The following BBS9 variants were observed in gnomAD, a reference collection of about 807,000 sequenced individuals.
BBS9 encodes the protein Bardet-Biedl syndrome 9.
BBS9 carries 89 observed loss-of-function variants against 117.7 expected under a neutral mutation model. The observed-to-expected ratio is 0.76, with a 90% CI of 0.64 to 0.90. BBS9 has a LOEUF of 0.90. Among genes scored for constraint, BBS9 ranks in the 40% least tolerant of loss-of-function variants. The probability of loss-of-function intolerance (pLI) is 0.00; values close to 1 mark genes in which losing one functional copy is unlikely to be tolerated. For synonymous variants in BBS9, 379 were observed against 370.9 expected (o/e 1.02, Z -0.25); for missense variants, 982 against 1,042.2 (o/e 0.94, Z 0.80).
intron 19 of BBS9, among the ~76,000 whole-genome samples, chr7:33,429,872 T>C (rs1485673150): frequency 6.6e-6 from 1 of 151,830 alleles, no homozygotes; most frequent in African/African-American, 2.4e-5. Context: ...CCTATAGTTT[T>C]GTTAACTGTT....
At chr7:33,174,895 TC>T (rs1322342482) in intron 4 of BBS9, among the ~76,000 whole-genome samples, 1 of 152,246 alleles carries the variant, frequency 6.6e-6, no homozygotes, top group Non-Finnish European at 1.5e-5. Context: ...CTCCTCAGCT[TC>T]CTGGCACCTC....
intron 17 of BBS9, among the ~76,000 whole-genome samples, chr7:33,372,238 A>C (rs1054377333): frequency 5.3e-5 from 8 of 152,210 alleles, no homozygotes; most frequent in Non-Finnish European, 7.4e-5. Context: ...AGTGGAGAGA[A>C]GACCAATGGG....
chr7:33,272,890 A>C (rs1245580771), intron 7 of BBS9, 122 bp from the exon 8 acceptor site: 7 of 944,000 alleles, frequency 7.4e-6, no homozygotes, highest in Non-Finnish European at 1.2e-5. Flanking sequence ...GAAATGAAAG[A>C]GATTAGCCCA....
intron 19 of BBS9, among the ~76,000 whole-genome samples, chr7:33,449,768 G>A (rs1392545673): frequency 6.6e-6 from 1 of 152,042 alleles, no homozygotes; most frequent in African/African-American, 2.4e-5. Context: ...TTTTACCATA[G>A]GAATTAAGGA....
At chr7:33,515,409 G>A (rs547061514) in intron 20 of BBS9, among the ~76,000 whole-genome samples, 1 of 152,266 alleles carries the variant, frequency 6.6e-6, no homozygotes, top group East Asian at 1.9e-4. Flanking sequence ...ACTATAACGA[G>A]CATTGTTGAT....
intron 19 of BBS9, among the ~76,000 whole-genome samples, chr7:33,417,032 T>C (rs1189606629): frequency 6.6e-6 from 1 of 152,206 alleles, no homozygotes; most frequent in Non-Finnish European, 1.5e-5. Context: ...GTTTCTCTCC[T>C]CAAGTAGTTT....
intron 18 of BBS9, among the ~76,000 whole-genome samples, chr7:33,386,574 T>G (rs561640706): frequency 4.6e-5 from 7 of 152,168 alleles, no homozygotes; most frequent in Admixed American, 3.9e-4. Flanking sequence ...CACTGCAAGC[T>G]TGGCCTCCTG....
intron 16 of BBS9, among the ~76,000 whole-genome samples, chr7:33,359,996 A>C (rs1177917550): frequency 2.0e-5 from 3 of 152,026 alleles, no homozygotes; most frequent in Non-Finnish European, 4.4e-5. Context: ...TTTTCTAAGC[A>C]TTTATCCCCA....
intron 5 of BBS9, among the ~76,000 whole-genome samples, chr7:33,208,314 C>T (rs897166974): frequency 1.3e-5 from 2 of 152,156 alleles, no homozygotes; most frequent in Non-Finnish European, 2.9e-5. Context: ...GACCATTTCC[C>T]TATGATAAAC....
chr7:33,403,557 C>A (rs1829342764), intron 19 of BBS9, among the ~76,000 whole-genome samples: 1 of 145,634 alleles, frequency 6.9e-6, no homozygotes, highest in African/African-American at 2.5e-5. Flanking sequence ...TGAGTGAGAA[C>A]ATGTGGTGTT....
At chr7:33,594,667 G>A (rs569603504) in intron 21 of BBS9, among the ~76,000 whole-genome samples, 40 of 152,134 alleles carry the variant, frequency 2.6e-4, no homozygotes, top group Admixed American at 1.9e-3. Flanking sequence ...ATGGACATAA[G>A]TCTTCCAGTC....
chr7:33,496,954 C>A (rs1231278300), intron 19 of BBS9, among the ~76,000 whole-genome samples: 1 of 152,114 alleles, frequency 6.6e-6, no homozygotes, highest in Non-Finnish European at 1.5e-5. Context: ...AAAATCTTTT[C>A]TTTTTTCCTT....
intron 16 of BBS9, among the ~76,000 whole-genome samples, chr7:33,358,567 T>C (rs1472536148): frequency 6.6e-6 from 1 of 151,906 alleles, no homozygotes; most frequent in Non-Finnish European, 1.5e-5. Flanking sequence ...GGGTAATTTG[T>C]GATGGTATGA....
intron 5 of BBS9, among the ~76,000 whole-genome samples, chr7:33,218,054 T>C (rs1371562213): frequency 6.6e-6 from 1 of 151,166 alleles, no homozygotes; most frequent in Non-Finnish European, 1.5e-5. Context: ...TTGTACTTAA[T>C]ATAGAGCCAA....
At chr7:33,602,212 C>CACACAGT in intron 21 of BBS9, among the ~76,000 whole-genome samples, 1 of 152,148 alleles carries the variant, frequency 6.6e-6, no homozygotes, top group African/African-American at 2.4e-5. Context: ...AGCTACACAG[C>CACACAGT]CCTTTTTTTC....
intron 9 of BBS9, chr7:33,276,950 C>A: frequency 4.7e-6 from 1 of 214,340 alleles, no homozygotes; most frequent in South Asian, 8.5e-5. Flanking sequence ...CCAGGCAGAT[C>A]TAAGCTGATG....
chr7:33,615,650 T>G (rs1011789350), intron 21 of BBS9, among the ~76,000 whole-genome samples: 3 of 151,974 alleles, frequency 2.0e-5, no homozygotes, highest in Admixed American at 6.6e-5. Context: ...AAACAAATAT[T>G]TGAAGCAATA....
At chr7:33,216,179 CAT>C (rs757290849) in intron 5 of BBS9, among the ~76,000 whole-genome samples, 22 of 152,332 alleles carry the variant, frequency 1.4e-4, no homozygotes, top group Middle Eastern at 3.4e-3. Flanking sequence ...TATACAATGT[CAT>C]AATGTACATA....
At chr7:33,332,264 C>G (rs951771573) in intron 9 of BBS9, among the ~76,000 whole-genome samples, 5 of 152,166 alleles carry the variant, frequency 3.3e-5, no homozygotes, top group African/African-American at 1.2e-4. Context: ...AAGAATAAAA[C>G]TAGATTCTTA....
Sources: allele counts gnomAD v4.1 joint callset (sites outside exome capture counted in the v4.1 genomes callset), GRCh38; gene constraint gnomAD v4.1.1; transcripts MANE v1.5; gene names NCBI Gene and HGNC (gene_info 2026-07-23, HGNC 2026-07-21).